The following PRKD1 variants were observed in gnomAD, a reference collection of about 807,000 sequenced individuals.
The protein encoded by PRKD1 is protein kinase D1.
In PRKD1, 63 loss-of-function variants were observed where a neutral mutation model predicts 95.9. The ratio of observed to expected loss-of-function variants is 0.66; its 90% CI spans 0.54 to 0.81. The LOEUF is 0.81. PRKD1 is among the 30% of genes least tolerant of loss of function. The pLI is 0.00. For missense variants in PRKD1, 1,048 were observed against 1,165.3 expected (o/e 0.90, Z 1.47); for synonymous variants, 425 against 423.1 (o/e 1.00, Z -0.05).
At chr14:29,599,170 C>T (rs1893420187) in intron 14 of PRKD1, 45 bp from the exon 15 acceptor site, 1 of 1,528,222 alleles carries the variant, frequency 6.5e-7, no homozygotes, top group Admixed American at 1.7e-5. Context: ...TTATTAATTT[C>T]AAAATGTCTT....
intron 2 of PRKD1, among the ~76,000 whole-genome samples, chr14:29,672,580 GTGA>G (rs1882924966): frequency 6.6e-6 from 1 of 151,978 alleles, no homozygotes; most frequent in South Asian, 2.1e-4. Context: ...TAAATCTGCA[GTGA>G]TGGAAGAAAT....
At chr14:29,870,138 T>C (rs1011940954) in intron 1 of PRKD1, among the ~76,000 whole-genome samples, 7 of 152,152 alleles carry the variant, frequency 4.6e-5, no homozygotes, top group African/African-American at 1.7e-4. Flanking sequence ...ATCAAACAAA[T>C]GCCCAGATTA....
rs139440380 is a variant in PRKD1, at chr14:29,790,741, T to C, written c.265-65067A>G. ...ACTATTAGATTATGACGATATTTTA[T>C]TCATTCACTCACAGAACAAACAGTA... On this transcript the variant is annotated intron_variant, in intron 1 of 17. Transcript: ENST00000331968. Among the ~76,000 whole-genome samples, 608 of 152,338 alleles carry C rather than the reference T, an allele frequency of 4.0e-3. 5 individuals carry two copies. The highest frequency in any genetic ancestry group is 0.014 in the African/African-American group (563 of 41,574).
chr14:29,830,421 T>C (rs1891356791), intron 1 of PRKD1, among the ~76,000 whole-genome samples: 1 of 152,164 alleles, frequency 6.6e-6, no homozygotes, highest in African/African-American at 2.4e-5. Flanking sequence ...CTCATTTATT[T>C]AAGGAATCCA....
rs1879020861 is a variant in PRKD1 at position 29,618,474 on chromosome 14, T to G, written c.1905+5678A>C. 2.0e-5 allele frequency among the ~76,000 whole-genome samples: 3 copies of G among 152,304 alleles called. 1 individual carries two copies. The Middle Eastern group carries it at 0.01, about 518-fold the overall frequency. On this transcript the variant is annotated intron_variant, in intron 13 of 17. Transcript: ENST00000331968. ...TTTCACCGTGTTGGCCAGGCTGTTC[T>G]CTAACTCCTGACCTCAGGTGATCCG...
At chr14:29,924,726 C>T (rs1398273298) in intron 1 of PRKD1, among the ~76,000 whole-genome samples, 1 of 152,092 alleles carries the variant, frequency 6.6e-6, no homozygotes, top group East Asian at 1.9e-4. Context: ...TCCTGTCATC[C>T]TTCCTCATAG....
At chr14:29,658,327 C>T (rs772557645) in intron 4 of PRKD1, among the ~76,000 whole-genome samples, 15 of 152,072 alleles carry the variant, frequency 9.9e-5, no homozygotes, top group Admixed American at 7.2e-4. Context: ...AATATTAATG[C>T]GTTTTATGAG....
intron 1 of PRKD1, among the ~76,000 whole-genome samples, chr14:29,898,031 A>G (rs901715983): frequency 1.3e-5 from 2 of 152,100 alleles, no homozygotes; most frequent in African/African-American, 4.8e-5. Flanking sequence ...ACGCATCCTA[A>G]AAATTACAAA....
chr14:29,824,691 A>G (rs1891043049), intron 1 of PRKD1, among the ~76,000 whole-genome samples: 2 of 152,152 alleles, frequency 1.3e-5, no homozygotes, highest in Admixed American at 6.6e-5. Flanking sequence ...TTCACTCACT[A>G]TACTGATGAA....
At chr14:29,755,028 C>G (rs1887633150) in intron 1 of PRKD1, among the ~76,000 whole-genome samples, 1 of 152,026 alleles carries the variant, frequency 6.6e-6, no homozygotes, top group Non-Finnish European at 1.5e-5. Flanking sequence ...TTCCTACATA[C>G]TTTATACTTT....
Position 29,826,700 on chromosome 14 carries a change from C to CACATAT in PRKD1, c.264+100548_264+100549insATATGT, listed in dbSNP as rs377377299. Among the ~76,000 whole-genome samples the CACATAT allele has an allele frequency of 3.6e-3, 103 of 28,738 alleles. 7 individuals are homozygous for CACATAT. Among genetic ancestry groups the CACATAT allele is most frequent in the African/African-American group, 0.011 (98 of 9,114 alleles). 18.9% of individuals were successfully genotyped at this position (28,738 alleles called of 152,430 possible). On this transcript the variant is annotated intron_variant, in intron 1 of 17. Transcript: ENST00000331968. ...ATATATATATACACACATATATATA[C>CACATAT]ATATATACACATATATATATACATA...
rs1420839693 is a variant in PRKD1, at chr14:29,843,477, T to C, written c.264+83772A>G. 3.9e-5 allele frequency among the ~76,000 whole-genome samples: 6 copies of C among 152,268 alleles called. No individual in the cohort carries two copies. The East Asian group carries it at 7.7e-4, about 20-fold the overall frequency. On this transcript the variant is annotated intron_variant, in intron 1 of 17. Transcript: ENST00000331968. ...CAGATATTGACAAAAAAACAGGATA[T>C]AGAGCCTGAAAAATGTCTTCTACAG...
At chr14:29,585,176 G>A (rs181035289) in intron 16 of PRKD1, among the ~76,000 whole-genome samples, 5 of 151,858 alleles carry the variant, frequency 3.3e-5, no homozygotes, top group African/African-American at 7.2e-5. Flanking sequence ...TTTAAAAATC[G>A]TTTTGCAACC....
At chr14:29,674,772 C>T (rs185098862) in intron 2 of PRKD1, among the ~76,000 whole-genome samples, 3 of 152,306 alleles carry the variant, frequency 2.0e-5, no homozygotes, top group African/African-American at 7.2e-5. Flanking sequence ...TAGACAAAGG[C>T]TAGGTACAGT....
intron 13 of PRKD1, among the ~76,000 whole-genome samples, chr14:29,600,772 A>T (rs749583173): frequency 6.6e-6 from 1 of 152,178 alleles, no homozygotes; most frequent in Non-Finnish European, 1.5e-5. Context: ...TGACACATTA[A>T]TTGCCACATG....
intron 6 of PRKD1, among the ~76,000 whole-genome samples, chr14:29,637,433 C>G (rs565104493): frequency 2.0e-5 from 3 of 152,152 alleles, no homozygotes; most frequent in Admixed American, 6.5e-5. Flanking sequence ...ATGAGAGACT[C>G]TAGCCTGCCA....
intron 2 of PRKD1, among the ~76,000 whole-genome samples, chr14:29,684,739 C>CAGT (rs1366518838): frequency 1.3e-5 from 2 of 152,144 alleles, no homozygotes; most frequent in Non-Finnish European, 2.9e-5. Context: ...CTAGGAAGGA[C>CAGT]AGTGTTCATT....
At chr14:29,621,298 T>C (rs1025340379) in intron 13 of PRKD1, among the ~76,000 whole-genome samples, 1 of 151,904 alleles carries the variant, frequency 6.6e-6, no homozygotes, top group African/African-American at 2.4e-5. Flanking sequence ...CATATGTAAC[T>C]AACCTGCACA....
Position 29,577,173 on chromosome 14 carries a change from T to A in PRKD1, c.*65A>T. 1 of 1,510,558 alleles carries A rather than the reference T, an allele frequency of 6.6e-7. No homozygotes were observed. The highest frequency in any genetic ancestry group is 9.2e-7 in the Non-Finnish European group (1 of 1,090,902). 93.6% of individuals were successfully genotyped at this position (1,510,558 alleles called of 1,614,324 possible). ...AATAATGGCAGTTCTGCAAGGCAAA[T>A]GTTAAACCTGACCGTATGTATTTAT... is the stretch of plus-strand genomic sequence containing the variant. On this transcript the variant is annotated 3_prime_UTR_variant, in exon 18 of 18. Coordinates refer to ENST00000331968, the MANE Select transcript of PRKD1 (RefSeq NM_002742.3).
Sources: allele counts gnomAD v4.1 joint callset (sites outside exome capture counted in the v4.1 genomes callset), GRCh38; gene constraint gnomAD v4.1.1; transcripts MANE v1.5; gene names NCBI Gene and HGNC (gene_info 2026-07-23, HGNC 2026-07-21).